Variants in STAU2 observed in about 807,000 individuals in gnomAD.
The protein encoded by STAU2 is double-stranded RNA-binding protein Staufen homolog 2.
In STAU2, 20 loss-of-function variants were observed where a neutral mutation model predicts 65.9. That is an observed-to-expected ratio of 0.30 (90% CI 0.21 to 0.44). The LOEUF (loss-of-function observed/expected upper bound fraction) is 0.44, where lower values mean the gene tolerates loss of function less well. Among genes scored for constraint, STAU2 ranks in the 20% least tolerant of loss-of-function variants. STAU2 has a pLI of 1.00. For synonymous variants in STAU2, 232 were observed against 233.9 expected, an observed-to-expected ratio of 0.99 and a Z score of 0.07; for missense variants, 558 against 683.9, an observed-to-expected ratio of 0.82 and a Z score of 2.05.
rs149197712 is a variant in STAU2 at position 73,618,295 on chromosome 8, G to A, written c.411-844C>T. Reference sequence around the variant, plus strand: ...GGAAAGGGTTCAGAAGTGTCAGGGAGGTAGGTTTTAGATAGGGTGGCCAAG... The same window carrying A: ...GGAAAGGGTTCAGAAGTGTCAGGGAAGTAGGTTTTAGATAGGGTGGCCAAG... On this transcript the variant is annotated intron_variant, in intron 6 of 14. Coordinates refer to ENST00000524300, the MANE Select transcript of STAU2 (RefSeq NM_001164380.2). 6.1e-3 allele frequency among the ~76,000 whole-genome samples: 925 copies of A among 152,236 alleles called. 8 individuals carry two copies. Among genetic ancestry groups the A allele is most frequent in the African/African-American group, 0.021 (889 of 41,540 alleles).
At chr8:73,601,794 A>T (rs1166733052) in intron 10 of STAU2, among the ~76,000 whole-genome samples, 1 of 152,228 alleles carries the variant, frequency 6.6e-6, no homozygotes, top group East Asian at 1.9e-4. Context: ...GGGGTACTCA[A>T]TATACTCTGT....
chr8:73,516,651 A>T (rs1283909898), intron 13 of STAU2, among the ~76,000 whole-genome samples: 1 of 152,158 alleles, frequency 6.6e-6, no homozygotes, highest in African/African-American at 2.4e-5. Context: ...ACATGGGGAG[A>T]GGCATGACTT....
At chr8:73,619,015 T>A (rs1813039525) in intron 6 of STAU2, among the ~76,000 whole-genome samples, 1 of 152,186 alleles carries the variant, frequency 6.6e-6, no homozygotes, top group Non-Finnish European at 1.5e-5. Context: ...ATTAGACCTA[T>A]TAGATATCCA....
chr8:73,508,451 T>A (rs1317083886), intron 13 of STAU2, among the ~76,000 whole-genome samples: 1 of 152,190 alleles, frequency 6.6e-6, no homozygotes, highest in Non-Finnish European at 1.5e-5. Flanking sequence ...TATATGGGCA[T>A]GATTTGTGGC....
intron 6 of STAU2, among the ~76,000 whole-genome samples, chr8:73,666,013 G>C (rs1817211217): frequency 6.6e-6 from 1 of 152,120 alleles, no homozygotes; most frequent in Non-Finnish European, 1.5e-5. Context: ...GTTCAATACA[G>C]ATGCAACCAC....
Position 73,613,965 on chromosome 8 carries a change from T to C in STAU2, c.679-9A>G. On this transcript the variant is annotated splice_polypyrimidine_tract_variant and intron_variant, in intron 8 of 14. Coordinates refer to ENST00000524300, the MANE Select transcript of STAU2 (RefSeq NM_001164380.2). ...CCACTTTCTTTAATAACCTATTAAA[T>C]ACAAGTAAAATATTAAATAATGGAT... is the stretch of plus-strand genomic sequence containing the variant. 6.3e-7 allele frequency: 1 copy of C among 1,578,334 alleles called. No individual in the cohort carries two copies. The highest frequency in any genetic ancestry group is 1.8e-4 in the Middle Eastern group (1 of 5,678).
chr8:73,432,926 T>C (rs942673412), intron 13 of STAU2, among the ~76,000 whole-genome samples: 2 of 152,150 alleles, frequency 1.3e-5, no homozygotes, highest in African/African-American at 2.4e-5. Flanking sequence ...AGAACAGGTG[T>C]TTTCACTCTA....
chr8:73,746,313 GC>G (rs1428520025), intron 1 of STAU2, among the ~76,000 whole-genome samples: 1 of 149,282 alleles, frequency 6.7e-6, no homozygotes, highest in Non-Finnish European at 1.5e-5. Flanking sequence ...GCCCTCCCCT[GC>G]CCTACTCTAG....
chr8:73,711,053 G>T (rs1820854116), intron 3 of STAU2, among the ~76,000 whole-genome samples: 1 of 126,746 alleles, frequency 7.9e-6, no homozygotes, highest in Non-Finnish European at 1.6e-5. Context: ...TAAGTAAAAA[G>T]AAGGAATCTA....
At chr8:73,523,921 C>T (rs73686991) in intron 13 of STAU2, among the ~76,000 whole-genome samples, 19,320 of 152,100 alleles carry the variant, frequency 0.13, 1,277 homozygotes, top group Middle Eastern at 0.16. Flanking sequence ...ATTTTTCACA[C>T]CTATAATCCC....
At chr8:73,729,193 T>G (rs1488615548) in intron 3 of STAU2, among the ~76,000 whole-genome samples, 1 of 151,884 alleles carries the variant, frequency 6.6e-6, no homozygotes, top group Non-Finnish European at 1.5e-5. Context: ...CACGTGGGGG[T>G]TTTCCCCGCT....
At chr8:73,717,648 T>TGTTGTC (rs1554570800) in intron 3 of STAU2, among the ~76,000 whole-genome samples, 45 of 152,146 alleles carry the variant, frequency 3.0e-4, no homozygotes, top group Non-Finnish European at 5.7e-4. Flanking sequence ...TTGTTGTTGT[T>TGTTGTC]GTTGTTGTTG....
At position 73,550,466 on chromosome 8, in the gene STAU2, C is replaced by A. The variant is rs1184267304; in HGVS notation, c.1530+1546G>T. On this transcript the variant is annotated intron_variant, in intron 13 of 14. Transcript: ENST00000524300. ...AAAAAATCAATTCAGAGCTTGAATG[C>A]AATTTGTGCTTTGTTTCTATAAGAA... is the stretch of plus-strand genomic sequence containing the variant. The A allele has an allele frequency of 2.8e-5, 28 of 985,836 alleles. No individual in the cohort carries two copies. The South Asian group carries it at 1.2e-3, about 43-fold the overall frequency. 61.1% of individuals were successfully genotyped at this position (985,836 alleles called of 1,614,324 possible). A position where few individuals can be genotyped will look rare whatever the true frequency, so the allele number is the denominator to read the frequency against.
At chr8:73,677,150 A>C (rs1317924632) in intron 5 of STAU2, among the ~76,000 whole-genome samples, 1 of 152,196 alleles carries the variant, frequency 6.6e-6, no homozygotes, top group African/African-American at 2.4e-5. Context: ...TTGTTATTAG[A>C]GAAATGCAAA....
At chr8:73,726,618 G>A (rs2130731710) in intron 3 of STAU2, among the ~76,000 whole-genome samples, 1 of 152,098 alleles carries the variant, frequency 6.6e-6, no homozygotes, top group South Asian at 2.1e-4. Flanking sequence ...CAAGCCCACT[G>A]ATGTGTGTCT....
intron 13 of STAU2, among the ~76,000 whole-genome samples, chr8:73,475,453 A>G (rs1820268965): frequency 6.6e-6 from 1 of 152,154 alleles, no homozygotes; most frequent in Non-Finnish European, 1.5e-5. Flanking sequence ...CATATGAATG[A>G]GTATTTTACT....
intron 13 of STAU2, among the ~76,000 whole-genome samples, chr8:73,453,685 T>A (rs1023546321): frequency 5.9e-5 from 9 of 152,022 alleles, no homozygotes; most frequent in African/African-American, 9.7e-5. Flanking sequence ...AGAAAAAAAA[T>A]TTTTAAGAGG....
At chr8:73,644,489 GAAAGA>G (rs955321502) in intron 6 of STAU2, among the ~76,000 whole-genome samples, 9 of 149,760 alleles carry the variant, frequency 6.0e-5, no homozygotes, top group African/African-American at 2.2e-4. Context: ...AGAAAAAAAA[GAAAGA>G]AAAGACGAAA....
intron 3 of STAU2, among the ~76,000 whole-genome samples, chr8:73,724,033 G>A (rs1203319772): frequency 1.3e-5 from 2 of 152,156 alleles, no homozygotes; most frequent in African/African-American, 4.8e-5. Context: ...TCGCTCCAGA[G>A]CAGCAACATC....
Sources: gnomAD v4.1 joint callset for allele counts (sites outside exome capture counted in the v4.1 genomes callset) on GRCh38, gnomAD v4.1.1 for gene constraint, MANE v1.5 for transcripts, NCBI Gene and HGNC (gene_info 2026-07-23, HGNC 2026-07-21) for gene names.